The following CNNM1 variants were observed in gnomAD, a reference collection of about 807,000 sequenced individuals.
The protein encoded by CNNM1 is cyclin and CBS domain divalent metal cation transport mediator 1, also known as metal transporter CNNM1.
Under a neutral mutation model 78.8 loss-of-function variants are expected in CNNM1, and 44 were observed. The observed-to-expected ratio is 0.56, with a 90% CI of 0.44 to 0.72. The LOEUF (loss-of-function observed/expected upper bound fraction) is 0.72. Ranked by LOEUF, CNNM1 falls within the 30% of genes least tolerant of loss-of-function variation. The probability of loss-of-function intolerance (pLI) is 0.00; values close to 1 mark genes in which losing one functional copy is unlikely to be tolerated. For missense variants in CNNM1, 1,101 were observed against 1,292.2 expected (o/e 0.85, Z 2.27); for synonymous variants, 584 against 581.5 (o/e 1.00, Z -0.06).
intron 7 of CNNM1, among the ~76,000 whole-genome samples, chr10:99,378,405 C>A (rs1331197608): frequency 6.6e-6 from 1 of 152,216 alleles, no homozygotes; most frequent in Non-Finnish European, 1.5e-5. Context: ...ATGAGAGGTG[C>A]ACTGAAATCA....
At chr10:99,339,776 C>A (rs1015075268) in intron 1 of CNNM1, among the ~76,000 whole-genome samples, 1 of 152,168 alleles carries the variant, frequency 6.6e-6, no homozygotes, top group Non-Finnish European at 1.5e-5. Flanking sequence ...ACAATGTGAC[C>A]TTTTCACTGC....
At chr10:99,385,062 A>C (rs1431787743) in intron 7 of CNNM1, among the ~76,000 whole-genome samples, 1 of 151,998 alleles carries the variant, frequency 6.6e-6, no homozygotes, top group Non-Finnish European at 1.5e-5. Flanking sequence ...CAAAAAAAAA[A>C]AAAAATTAAA....
Position 99,330,243 on chromosome 10 carries a change from C to T in CNNM1, c.856C>T (p.Leu286=). 1.3e-6 allele frequency: 2 copies of T among 1,542,760 alleles called. No individual in the cohort carries two copies. The change falls in exon 1 of 11, where the codon CTA becomes TTA. Residue 286 remains leucine (L), a synonymous_variant. Coordinates refer to ENST00000356713, the MANE Select transcript of CNNM1 (RefSeq NM_020348.3). ...CAGGGGGACCCATCTGCTCTGCACC[C>T]TACTCCTGGGCCAAGCCGGAGCCAA... is the stretch of plus-strand genomic sequence containing the variant. ...RGRGTHLLCT[L]LLGQAGANAA...
chr10:99,353,411 G>T (rs917958701), intron 1 of CNNM1, among the ~76,000 whole-genome samples: 17 of 152,258 alleles, frequency 1.1e-4, no homozygotes, highest in African/African-American at 4.1e-4. Flanking sequence ...CATAGCAACA[G>T]GTAGCTTCAA....
At chr10:99,387,690 G>A (rs1450835468) in intron 7 of CNNM1, 130 bp from the exon 8 acceptor site, 21 of 882,436 alleles carry the variant, frequency 2.4e-5, no homozygotes, top group Non-Finnish European at 2.0e-5. Flanking sequence ...GCCCCCATTC[G>A]TGGATCTCAG....
At chr10:99,343,252 C>T (rs894765878) in intron 1 of CNNM1, among the ~76,000 whole-genome samples, 4 of 152,034 alleles carry the variant, frequency 2.6e-5, no homozygotes, top group African/African-American at 4.8e-5. Context: ...CATGAGCCAC[C>T]GTGACCGCCC....
chr10:99,377,280 G>A (rs973104111), intron 7 of CNNM1, 62 bp downstream of exon 7: 59 of 1,475,742 alleles, frequency 4.0e-5, no homozygotes, highest in Middle Eastern at 1.7e-4. Context: ...GGCTGAGCGG[G>A]ACAAGAAGAC....
rs960827361 is a variant in CNNM1, at chr10:99,357,791, G to C, written c.1717+136G>C. The stretch of plus-strand genomic sequence containing the variant: ...TGATGTGTGTCAGCCACCTATGCCA[G>C]GTGCTGCTGTGGCAAGATACCCTAG... On this transcript the variant is annotated intron_variant, in intron 2 of 10. Transcript: ENST00000356713. 49 of 756,064 alleles carry C rather than the reference G, an allele frequency of 6.5e-5. No homozygotes were observed. In the African/African-American group the frequency reaches 8.2e-4, roughly 13 times the overall value. 46.8% of individuals were successfully genotyped at this position (756,064 alleles called of 1,614,324 possible). A position where few individuals can be genotyped will look rare whatever the true frequency, so the allele number is the denominator to read the frequency against.
At chr10:99,366,902 G>A (rs746979860) in intron 6 of CNNM1, among the ~76,000 whole-genome samples, 1 of 152,116 alleles carries the variant, frequency 6.6e-6, no homozygotes, top group Non-Finnish European at 1.5e-5. Context: ...AAATAAAGTT[G>A]CAACATTGAT....
At chr10:99,344,819 G>A (rs144820753) in intron 1 of CNNM1, among the ~76,000 whole-genome samples, 63 of 152,322 alleles carry the variant, frequency 4.1e-4, no homozygotes, top group East Asian at 7.7e-4. Context: ...ATTTGAAGGC[G>A]AAGTGTAGCA....
chr10:99,338,259 G>A (rs1339300096), intron 1 of CNNM1, among the ~76,000 whole-genome samples: 1 of 151,788 alleles, frequency 6.6e-6, no homozygotes, highest in Non-Finnish European at 1.5e-5. Flanking sequence ...AAATGCAATG[G>A]GAACATGGAG....
At chr10:99,347,599 A>ACACACACACACACACACACAC (rs1564942665) in intron 1 of CNNM1, among the ~76,000 whole-genome samples, 41 of 151,718 alleles carry the variant, frequency 2.7e-4, no homozygotes, top group South Asian at 8.4e-4. Context: ...ACACACACAC[A>ACACACACACACACACACACAC]AATGTTGCAA....
At chr10:99,381,584 A>G (rs1020044312) in intron 7 of CNNM1, among the ~76,000 whole-genome samples, 1 of 151,108 alleles carries the variant, frequency 6.6e-6, no homozygotes, top group Non-Finnish European at 1.5e-5. Flanking sequence ...TCTACTAAAA[A>G]TAAAAAAATT....
At chr10:99,376,595 G>A (rs1031061465) in intron 6 of CNNM1, among the ~76,000 whole-genome samples, 1 of 152,156 alleles carries the variant, frequency 6.6e-6, no homozygotes, top group Non-Finnish European at 1.5e-5. Context: ...TGGAGTTGAT[G>A]TAAAATACCT....
intron 1 of CNNM1, among the ~76,000 whole-genome samples, chr10:99,336,736 A>G (rs4919299): frequency 0.85 from 129,591 of 152,228 alleles, 55,382 homozygotes; most frequent in African/African-American, 0.91. Flanking sequence ...GGAGGCCGAG[A>G]CAGGTGGATC....
chr10:99,382,450 A>G, intron 7 of CNNM1, among the ~76,000 whole-genome samples: 1 of 152,200 alleles, frequency 6.6e-6, no homozygotes, highest in East Asian at 1.9e-4. Flanking sequence ...AAACCACTTG[A>G]AAGTGAAAAC....
At chr10:99,356,600 G>GAAAGAAAGAAAGAAAGAAAAGA (rs780076032) in intron 1 of CNNM1, among the ~76,000 whole-genome samples, 17 of 129,450 alleles carry the variant, frequency 1.3e-4, no homozygotes, top group African/African-American at 4.8e-4. Flanking sequence ...AAGAAAGAAA[G>GAAAGAAAGAAAGAAAGAAAAGA]AAAGAAAAGA....
rs1350861721 is a variant in CNNM1, at chr10:99,363,738, ATC to A, written c.2029-677_2029-676del. 5.1e-5 allele frequency among the ~76,000 whole-genome samples: 7 copies of A among 136,280 alleles called. No individual in the cohort carries two copies. The East Asian group carries it at 6.5e-4, about 13-fold the overall frequency. 89.4% of individuals were successfully genotyped at this position (136,280 alleles called of 152,430 possible). ...CAAGCTTCACACAGAATTAGATTTT[ATC>A]TTTTTTTTTTTTTTTTTTTTTTGAG... On this transcript the variant is annotated intron_variant, in intron 4 of 10. Coordinates refer to ENST00000356713, the MANE Select transcript of CNNM1 (RefSeq NM_020348.3).
intron 1 of CNNM1, among the ~76,000 whole-genome samples, chr10:99,347,754 A>G (rs530304958): frequency 1.7e-4 from 26 of 151,934 alleles, no homozygotes; most frequent in Non-Finnish European, 3.2e-4. Context: ...CAGCCACCGC[A>G]TTGGCCTCCT....
Sources: gnomAD v4.1 joint callset for allele counts (sites outside exome capture counted in the v4.1 genomes callset) on GRCh38, gnomAD v4.1.1 for gene constraint, MANE v1.5 for transcripts, NCBI Gene and HGNC (gene_info 2026-07-23, HGNC 2026-07-21) for gene names.